The following APC variants were observed in gnomAD, a reference collection of about 807,000 sequenced individuals.
APC encodes the protein adenomatous polyposis coli protein.
In APC, 72 loss-of-function variants were observed where a neutral mutation model predicts 247.0. The ratio of observed to expected loss-of-function variants is 0.29; its 90% CI spans 0.24 to 0.35. The LOEUF is 0.35. Ranked by LOEUF, APC falls within the 10% of genes least tolerant of loss-of-function variation. APC has a pLI of 1.00. For synonymous variants in APC, 1,254 were observed against 1,162.5 expected, an observed-to-expected ratio of 1.08 and a Z score of -1.60; for missense variants, 3,400 against 3,360.7, an observed-to-expected ratio of 1.01 and a Z score of -0.29.
At chr5:112,729,267 A>C (rs1025706039) in intron 1 of APC, among the ~76,000 whole-genome samples, 1 of 152,204 alleles carries the variant, frequency 6.6e-6, no homozygotes, top group Non-Finnish European at 1.5e-5. Context: ...TTTGGAAAAC[A>C]ATGATGAGAG....
chr5:112,752,875 A>G (rs914292751), intron 1 of APC, among the ~76,000 whole-genome samples: 6 of 152,174 alleles, frequency 3.9e-5, no homozygotes, highest in Admixed American at 2.6e-4. Context: ...GGAAAAAAAG[A>G]TGATTAAAAG....
Position 112,838,507 on chromosome 5 carries a change from T to C in APC, c.2913T>C (p.Asp971=), listed in dbSNP as rs917767842. ...GTTTAAATAGTGTCAGTAGTAGTGA[T>C]GGTTATGGTAAAAGAGGTCAAATGA... ...NDSLNSVSSS[D]GYGKRGQMKP... The change falls in exon 16 of 16, where the codon GAT becomes GAC. Residue 971 remains aspartate, a synonymous_variant. Coordinates refer to ENST00000257430, the MANE Select transcript of APC (RefSeq NM_000038.6). 2 of 1,614,220 alleles carry C rather than the reference T, an allele frequency of 1.2e-6. No homozygotes were observed. The highest frequency in any genetic ancestry group is 1.6e-4 in the Middle Eastern group (1 of 6,062).
intron 6 of APC, among the ~76,000 whole-genome samples, chr5:112,785,674 G>C (rs1167484603): frequency 6.6e-6 from 1 of 152,068 alleles, no homozygotes; most frequent in Non-Finnish European, 1.5e-5. Context: ...ACTAGAAAGA[G>C]GTACAGGAAT....
At chr5:112,738,431 A>G (rs1198365610) in intron 1 of APC, 7 of 985,754 alleles carry the variant, frequency 7.1e-6, no homozygotes, top group East Asian at 2.3e-4. Context: ...GGAAAGAGCT[A>G]CTGGGGATGA....
intron 8 of APC, among the ~76,000 whole-genome samples, chr5:112,802,472 C>G (rs540645396): frequency 6.6e-6 from 1 of 151,938 alleles, no homozygotes; most frequent in Admixed American, 6.6e-5. Flanking sequence ...TCCTATATGA[C>G]AGAAAAAAAT....
chr5:112,711,381 C>A (rs965633881), intron 1 of APC, among the ~76,000 whole-genome samples: 4 of 152,172 alleles, frequency 2.6e-5, no homozygotes, highest in Non-Finnish European at 5.9e-5. Flanking sequence ...AAAACCATTC[C>A]CTGGTGCCAA....
At chr5:112,744,044 A>G (rs1056837188) in intron 1 of APC, among the ~76,000 whole-genome samples, 1 of 151,706 alleles carries the variant, frequency 6.6e-6, no homozygotes, top group Non-Finnish European at 1.5e-5. Flanking sequence ...GTCTCACTAT[A>G]TTGCACAGGC....
intron 1 of APC, among the ~76,000 whole-genome samples, chr5:112,750,098 G>T (rs778444184): frequency 6.6e-6 from 1 of 151,312 alleles, no homozygotes; most frequent in African/African-American, 2.4e-5. Context: ...AAGTAGCTGA[G>T]ATTACAGGCA....
At chr5:112,760,944 G>T (rs1455943161) in intron 2 of APC, among the ~76,000 whole-genome samples, 1 of 152,030 alleles carries the variant, frequency 6.6e-6, no homozygotes, top group Non-Finnish European at 1.5e-5. Flanking sequence ...CAAGTAGCTG[G>T]GACTACAGGC....
chr5:112,830,107 A>G (rs1367152947), intron 14 of APC, among the ~76,000 whole-genome samples: 2 of 151,900 alleles, frequency 1.3e-5, no homozygotes, highest in Admixed American at 1.3e-4. Flanking sequence ...TTTTTGGTTT[A>G]GTTATGCATT....
intron 9 of APC, among the ~76,000 whole-genome samples, chr5:112,818,134 G>A (rs139519636): frequency 3.3e-4 from 50 of 152,226 alleles, no homozygotes; most frequent in African/African-American, 1.1e-3. Context: ...AATGTGTCCC[G>A]ATGGGGGCAA....
intron 1 of APC, among the ~76,000 whole-genome samples, chr5:112,731,221 G>A (rs934609258): frequency 2.0e-5 from 3 of 152,186 alleles, no homozygotes; most frequent in Admixed American, 1.3e-4. Context: ...AGGGGTATCT[G>A]TACATAGGAT....
At chr5:112,740,835 C>T (rs1454769967) in intron 1 of APC, among the ~76,000 whole-genome samples, 1 of 152,028 alleles carries the variant, frequency 6.6e-6, no homozygotes, top group Non-Finnish European at 1.5e-5. Context: ...TTTCCATTTG[C>T]ATTAATTGCT....
chr5:112,792,284 C>G (rs973761677), intron 6 of APC, among the ~76,000 whole-genome samples, 162 bp from the exon 7 acceptor site: 1 of 151,902 alleles, frequency 6.6e-6, no homozygotes, highest in Admixed American at 6.6e-5. Flanking sequence ...ATTGAACTGA[C>G]CCCAATTTGT....
Position 112,839,106 on chromosome 5 carries a change from G to T in APC, c.3512G>T (p.Arg1171Leu). 6.2e-7 allele frequency: 1 copy of T among 1,614,030 alleles called. No individual in the cohort carries two copies. Among genetic ancestry groups the T allele is most frequent in the African/African-American group, 1.3e-5 (1 of 75,046 alleles). Residue 1171 changes from arginine (R) to leucine (L), a missense_variant, in exon 16 of 16, where the codon CGT (arginine) becomes CTT (leucine). Physicochemically the swap from Arg to Leu is moderately radical, Grantham distance 102 (BLOSUM62 -2). This residue lies in a region of APC where 715 missense variants were observed against 656.6 expected (regional missense o/e 1.09). Transcript: ENST00000257430. The surrounding 1 kb of genome is among the most constrained non-coding windows in gnomAD (Gnocchi z 5.0). The stretch of plus-strand genomic sequence containing the variant: ...AGCATAAAATATAATGAAGAGAAAC[G>T]TCATGTGGATCAGCCTATTGATTAT... ...NYSIKYNEEK[R>L]HVDQPIDYSL...
intron 11 of APC, 44 bp from the exon 12 acceptor site, chr5:112,827,064 T>C (rs772065547): frequency 1.4e-5 from 22 of 1,608,366 alleles, no homozygotes; most frequent in Non-Finnish European, 1.9e-5. Flanking sequence ...CAGTTTGTTT[T>C]ATTTTAGATG....
At chr5:112,824,175 T>A (rs1178576341) in intron 11 of APC, among the ~76,000 whole-genome samples, 1 of 152,232 alleles carries the variant, frequency 6.6e-6, no homozygotes, top group Non-Finnish European at 1.5e-5. Flanking sequence ...TGGGCAATAG[T>A]CCGGTCTATT....
At chr5:112,720,128 A>C (rs959754961) in intron 1 of APC, among the ~76,000 whole-genome samples, 1 of 152,226 alleles carries the variant, frequency 6.6e-6, no homozygotes, top group Non-Finnish European at 1.5e-5. Flanking sequence ...TTAAAAATTT[A>C]GTATAACATA....
At chr5:112,799,305 C>T (rs561852249) in intron 7 of APC, among the ~76,000 whole-genome samples, 45 of 152,190 alleles carry the variant, frequency 3.0e-4, no homozygotes, top group African/African-American at 8.7e-4. Flanking sequence ...CCTTCATCCT[C>T]CCTCAGTATT....
Sources: allele counts gnomAD v4.1 joint callset (sites outside exome capture counted in the v4.1 genomes callset), GRCh38; gene constraint gnomAD v4.1.1; regional missense constraint gnomAD v4.1.1; non-coding constraint Gnocchi (gnomAD v3.1); transcripts MANE v1.5; gene names NCBI Gene and HGNC (gene_info 2026-07-23, HGNC 2026-07-21).